Variants in CAPRIN1 observed in about 807,000 individuals in gnomAD.
The protein encoded by CAPRIN1 is caprin-1.
CAPRIN1 carries 29 observed loss-of-function variants against 100.9 expected under a neutral mutation model. The observed-to-expected ratio is 0.29, with a 90% CI of 0.21 to 0.39. The LOEUF (loss-of-function observed/expected upper bound fraction) is 0.39, where lower values mean the gene tolerates loss of function less well. Ranked by LOEUF, CAPRIN1 falls within the 10% of genes least tolerant of loss-of-function variation. The pLI is 1.00. For missense variants in CAPRIN1, 795 were observed against 876.7 expected, an observed-to-expected ratio of 0.91 and a Z score of 1.18; for synonymous variants, 338 against 307.5, an observed-to-expected ratio of 1.10 and a Z score of -1.04.
At chr11:34,076,189 G>A (rs780720143) in intron 4 of CAPRIN1, 47 bp from the exon 5 acceptor site, 3 of 1,440,536 alleles carry the variant, frequency 2.1e-6, no homozygotes, top group Non-Finnish European at 2.9e-6. Context: ...ATTGAACTAA[G>A]TTTTATATAA....
intron 15 of CAPRIN1, among the ~76,000 whole-genome samples, chr11:34,092,899 C>G (rs1851289793): frequency 6.6e-6 from 1 of 152,106 alleles, no homozygotes; most frequent in Non-Finnish European, 1.5e-5. Flanking sequence ...GTTGCCCGGG[C>G]TGGAGTGCAG....
intron 2 of CAPRIN1, among the ~76,000 whole-genome samples, chr11:34,067,889 C>T (rs1850730032): frequency 6.6e-6 from 1 of 152,160 alleles, no homozygotes; most frequent in Non-Finnish European, 1.5e-5. Context: ...TACCATGAAG[C>T]TGAGTTTCAC....
chr11:34,086,980 G>T (rs959016256), intron 11 of CAPRIN1, among the ~76,000 whole-genome samples: 7 of 152,176 alleles, frequency 4.6e-5, no homozygotes, highest in African/African-American at 1.7e-4. Context: ...AAGTGGGTAA[G>T]GGAATATGTA....
At chr11:34,062,617 T>C (rs896235539) in intron 2 of CAPRIN1, among the ~76,000 whole-genome samples, 44 of 72,794 alleles carry the variant, frequency 6.0e-4, no homozygotes, top group Non-Finnish European at 8.8e-4. Flanking sequence ...AGAGCAAAAC[T>C]CCGTCTCAAA....
chr11:34,082,744 T>G, intron 7 of CAPRIN1, 81 bp from the exon 8 acceptor site: 2 of 938,866 alleles, frequency 2.1e-6, no homozygotes, highest in Non-Finnish European at 1.7e-6. Flanking sequence ...TAATGACGTG[T>G]ATCTACCAAT....
intron 2 of CAPRIN1, among the ~76,000 whole-genome samples, chr11:34,065,854 C>T (rs1162731464): frequency 6.6e-6 from 1 of 152,120 alleles, no homozygotes; most frequent in East Asian, 1.9e-4. Flanking sequence ...TTTCCTGAAG[C>T]TTAGGCAAGG....
chr11:34,098,209 G>A, intron 18 of CAPRIN1: 1 of 993,972 alleles, frequency 1.0e-6, no homozygotes, highest in Non-Finnish European at 1.2e-6. Context: ...ATAAGCCATA[G>A]TTAACATTTA....
chr11:34,069,687 AATTTT>A (rs1850772427), intron 2 of CAPRIN1, among the ~76,000 whole-genome samples: 2 of 152,074 alleles, frequency 1.3e-5, no homozygotes, highest in South Asian at 4.1e-4. Flanking sequence ...AGTAGACTGA[AATTTT>A]ATACCTGTTT....
At position 34,092,075 on chromosome 11, in the gene CAPRIN1, C is replaced by T. The variant is rs1325296576; in HGVS notation, c.1705+19C>T. 1 of 1,610,894 alleles carries T rather than the reference C, an allele frequency of 6.2e-7. No homozygotes were observed. Among genetic ancestry groups the T allele is most frequent in the Non-Finnish European group, 8.5e-7 (1 of 1,178,602 alleles). Reference sequence around the variant, plus strand: ...CAAACAGGTACGAAATCCAGTGTCACCTCATTGGCTCCTTGCTTTCCAGCA... The same window carrying T: ...CAAACAGGTACGAAATCCAGTGTCATCTCATTGGCTCCTTGCTTTCCAGCA... On this transcript the variant is annotated intron_variant, in intron 15 of 18. Transcript: ENST00000341394.
chr11:34,053,280 T>A (rs1850371935), intron 2 of CAPRIN1: 1 of 390,282 alleles, frequency 2.6e-6, no homozygotes, highest in Non-Finnish European at 3.5e-6. Context: ...TCCCTCTTTG[T>A]TTCAATTGTT....
chr11:34,067,060 G>A (rs1405644258), intron 2 of CAPRIN1, among the ~76,000 whole-genome samples: 1 of 151,888 alleles, frequency 6.6e-6, no homozygotes, highest in Non-Finnish European at 1.5e-5. Context: ...CTCCTGAGTA[G>A]CTGGGATTAC....
chr11:34,069,168 T>C (rs1438281908), intron 2 of CAPRIN1, among the ~76,000 whole-genome samples: 1 of 151,634 alleles, frequency 6.6e-6, no homozygotes. Flanking sequence ...TTTTTTTTTT[T>C]TAAGATGGAG....
chr11:34,080,175 G>A (rs1486243750), intron 7 of CAPRIN1, among the ~76,000 whole-genome samples: 2 of 151,968 alleles, frequency 1.3e-5, no homozygotes, highest in Non-Finnish European at 2.9e-5. Flanking sequence ...CACCCGCCTC[G>A]GCCTCCCAAA....
rs1851146307 is a variant in CAPRIN1, at chr11:34,086,433, T to C, written c.1231+20T>C. The C allele has an allele frequency of 2.1e-6, 3 of 1,396,912 alleles. No homozygotes were observed. The highest frequency in any genetic ancestry group is 3.0e-6 in the Non-Finnish European group (3 of 1,000,844). The allele number at this position is 1,396,912 out of a possible 1,614,324, so 86.5% of individuals were successfully genotyped here. ...CTCCAGGTTAGTAGTGGTACATTTT[T>C]ATGTGAGAGAGAAATATAAGGCCAG... On this transcript the variant is annotated intron_variant, in intron 11 of 18. Transcript: ENST00000341394.
At chr11:34,058,989 A>C (rs1205400432) in intron 2 of CAPRIN1, among the ~76,000 whole-genome samples, 1 of 152,206 alleles carries the variant, frequency 6.6e-6, no homozygotes, top group African/African-American at 2.4e-5. Flanking sequence ...ACAGTATAGA[A>C]GAGTGAGAGG....
At chr11:34,093,903 A>G (rs1851312598) in intron 15 of CAPRIN1, among the ~76,000 whole-genome samples, 1 of 139,302 alleles carries the variant, frequency 7.2e-6, no homozygotes, top group Admixed American at 7.0e-5. Context: ...GGGCCTTCAT[A>G]CTTACTTTCC....
chr11:34,097,170 ATTTCT>A lies in CAPRIN1; in HGVS notation c.1901-19_1901-15del, dbSNP rs751918993. 4.7e-6 allele frequency: 7 copies of A among 1,487,532 alleles called. No individual in the cohort carries two copies. The African/African-American group carries it at 8.3e-5, about 18-fold the overall frequency. 92.1% of individuals were successfully genotyped at this position (1,487,532 alleles called of 1,614,324 possible). On this transcript the variant is annotated intron_variant, in intron 16 of 18. Coordinates refer to ENST00000341394, the MANE Select transcript of CAPRIN1 (RefSeq NM_005898.5). ...AATTCCTTGTGAAGATAAGAAAATT[ATTTCT>A]TTTCTTGTCCTAAATTTTAGGAGGA...
Position 34,102,070 on chromosome 11 carries a change from T to G in CAPRIN1, c.*2703T>G, listed in dbSNP as rs896958955. Among the ~76,000 whole-genome samples, 6 of 152,198 alleles carry G rather than the reference T, an allele frequency of 3.9e-5. No homozygotes were observed. The highest frequency in any genetic ancestry group is 8.8e-5 in the Non-Finnish European group (6 of 68,010). On this transcript the variant is annotated 3_prime_UTR_variant, in exon 19 of 19. Transcript: ENST00000341394. ...TTTTTCAATCATTGTACCTTGATATTAAAACAAATATCCTTTAAGTATTTC... is the reference window on the plus strand; with the variant it reads ...TTTTTCAATCATTGTACCTTGATATGAAAACAAATATCCTTTAAGTATTTC...
At position 34,101,615 on chromosome 11, in the gene CAPRIN1, CT is replaced by C. The variant is rs960158433; in HGVS notation, c.*2255del. ...TTCCTTTTTTTGAACTATAATTTTT[CT>C]TTTTTTGGTTATTTTACCATCACAG... On this transcript the variant is annotated 3_prime_UTR_variant, in exon 19 of 19. Coordinates refer to ENST00000341394, the MANE Select transcript of CAPRIN1 (RefSeq NM_005898.5). 1.3e-5 allele frequency among the ~76,000 whole-genome samples: 2 copies of C among 151,954 alleles called. No individual in the cohort carries two copies. Among genetic ancestry groups the C allele is most frequent in the African/African-American group, 4.8e-5 (2 of 41,376 alleles).
Sources: allele counts gnomAD v4.1 joint callset (sites outside exome capture counted in the v4.1 genomes callset), GRCh38; gene constraint gnomAD v4.1.1; transcripts MANE v1.5; gene names NCBI Gene and HGNC (gene_info 2026-07-23, HGNC 2026-07-21).